Variants in EPS8L1 observed in about 807,000 individuals in gnomAD.
The protein encoded by EPS8L1 is EPS8 signaling adaptor L1.
A neutral mutation model predicts 91.7 loss-of-function variants in EPS8L1; 101 were observed. The observed-to-expected ratio is 1.10, with a 90% CI of 0.94 to 1.30. The LOEUF (loss-of-function observed/expected upper bound fraction) is 1.30. Ranked by LOEUF, EPS8L1 falls within the 50% of genes most tolerant of loss-of-function variation. EPS8L1 has a pLI of 0.00. For synonymous variants in EPS8L1, 506 were observed against 445.3 expected (o/e 1.14, Z -1.72); for missense variants, 1,114 against 1,017.0 (o/e 1.10, Z -1.30).
rs1405349800 is a variant in EPS8L1 at position 55,082,112 on chromosome 19, G to C, written c.922G>C (p.Ala308Pro). Residue 308 changes from alanine to proline, a missense_variant, in exon 10 of 20, where the codon GCC becomes CCC. By Grantham distance (27) the Ala-to-Pro change is conservative (BLOSUM62 -1). Transcript: ENST00000201647. ...CTCAGAGGGCTTGCTGACGCTGCGG[G>C]CCAAGCCGCCCTCGGAGGCCGAGTA... Reference protein sequence around the residue: ...AAGEGLLTLRAKPPSEAEYTD... With the variant: ...AAGEGLLTLRPKPPSEAEYTD... 6.3e-7 allele frequency: 1 copy of C among 1,598,566 alleles called. No homozygotes were observed. The highest frequency in any genetic ancestry group is 1.1e-5 in the South Asian group (1 of 89,032).
In EPS8L1 at chr19:55,086,121, G is replaced by T; in HGVS notation, c.1579G>T (p.Val527Leu). The T allele has an allele frequency of 6.2e-7, 1 of 1,607,298 alleles. No homozygotes were observed. Among genetic ancestry groups the T allele is most frequent in the Non-Finnish European group, 8.5e-7 (1 of 1,176,028 alleles). The part of the protein sequence containing the change: ...VRDPAGQEGY[V>L]PYNILTPYPG... ...GGACCCAGCGGGGCAGGAGGGATAT[G>T]TGCCCTACAACATCCTGACACCCTA... Residue 527 changes from valine (V) to leucine (L), a missense_variant, in exon 16 of 20, where the codon GTG (valine) becomes TTG (leucine). Val to Leu is a conservative substitution (Grantham distance 32). Coordinates refer to ENST00000201647, the MANE Select transcript of EPS8L1 (RefSeq NM_133180.3).
chr19:55,083,165 G>A lies in EPS8L1; in HGVS notation c.1215-213G>A, dbSNP rs961244394. On this transcript the variant is annotated intron_variant, in intron 12 of 19. Coordinates refer to ENST00000201647, the MANE Select transcript of EPS8L1 (RefSeq NM_133180.3). The surrounding 1 kb of genome is among the most constrained non-coding windows in gnomAD (Gnocchi z 4.7). ...CCCATCTTGGCCTCCCAAAATGCTG[G>A]GATTACAGGCGTGAGCCACCGTGCC... Among the ~76,000 whole-genome samples the A allele has an allele frequency of 6.6e-6, 1 of 152,174 alleles. No individual in the cohort carries two copies. The highest frequency in any genetic ancestry group is 1.5e-5 in the Non-Finnish European group (1 of 68,028).
In EPS8L1 at chr19:55,080,509, C is replaced by T. The variant is rs892049847; in HGVS notation, c.429+231C>T. ...GGATGAGGACATGAACAGAACATGG[C>T]CAAGAAGGATCTGGGGGAGCAGCCA... On this transcript the variant is annotated intron_variant, in intron 6 of 19. Coordinates refer to ENST00000201647, the MANE Select transcript of EPS8L1 (RefSeq NM_133180.3). 12 of 1,613,612 alleles carry T rather than the reference C, an allele frequency of 7.4e-6. 1 individual carries two copies. Among genetic ancestry groups the T allele is most frequent in the African/African-American group, 5.3e-5 (4 of 75,008 alleles).
At chr19:55,086,331 G>C in intron 16 of EPS8L1, 61 bp from the exon 17 acceptor site, 1 of 1,604,570 alleles carries the variant, frequency 6.2e-7, no homozygotes, top group Non-Finnish European at 8.5e-7. Flanking sequence ...TCCAGAAAGG[G>C]GAGAGGCTGG....
chr19:55,083,727 T>C lies in EPS8L1; in HGVS notation c.1385+83T>C. On this transcript the variant is annotated intron_variant, in intron 14 of 19. Coordinates refer to ENST00000201647, the MANE Select transcript of EPS8L1 (RefSeq NM_133180.3). This position sits in a 1 kb window ranked among gnomAD's most constrained non-coding sequence, Gnocchi z 4.7. Reference sequence around the variant, plus strand: ...TCCCGATGCTGACTCCGCCCCCTTTTTTTCTGTGTTTTTCCTTCTGTCTTC... The same window carrying C: ...TCCCGATGCTGACTCCGCCCCCTTTCTTTCTGTGTTTTTCCTTCTGTCTTC... 6.5e-7 allele frequency: 1 copy of C among 1,534,174 alleles called. No individual in the cohort carries two copies. Among genetic ancestry groups the C allele is most frequent in the Non-Finnish European group, 8.8e-7 (1 of 1,131,516 alleles).
At chr19:55,080,581 G>T in intron 6 of EPS8L1, 191 bp from the exon 7 acceptor site, 2 of 1,605,522 alleles carry the variant, frequency 1.2e-6, no homozygotes, top group Non-Finnish European at 8.5e-7. Flanking sequence ...CTCCATGGGC[G>T]GGGTCGTGGC....
chr19:55,087,808 T>A lies in EPS8L1; in HGVS notation c.*194T>A. ...GGAGAGGATCTGGACTGGCTGGGAG[T>A]GGGGAGGGCGTGGAGACAGTCTACG... is the stretch of plus-strand genomic sequence containing the variant. On this transcript the variant is annotated 3_prime_UTR_variant, in exon 20 of 20. Coordinates refer to ENST00000201647, the MANE Select transcript of EPS8L1 (RefSeq NM_133180.3). 1.6e-6 allele frequency: 1 copy of A among 618,846 alleles called. No individual in the cohort carries two copies. The allele number at this position is 618,846 out of a possible 1,614,324, so 38.3% of individuals were successfully genotyped here. A position where few individuals can be genotyped will look rare whatever the true frequency, so the allele number is the denominator to read the frequency against.
rs111331426 is a variant in EPS8L1 at position 55,076,331 on chromosome 19, C to T, written c.-37-77C>T. On this transcript the variant is annotated intron_variant, in intron 1 of 19. Transcript: ENST00000201647. ...GGAGGAGGGGCTGGGGCCTGGATGC[C>T]TGCATTGAGGGAGGAGGCTGGGGTA... 40 of 1,345,196 alleles carry T rather than the reference C, an allele frequency of 3.0e-5. No homozygotes were observed. The African/African-American group carries it at 4.6e-4, about 16-fold the overall frequency. The allele number at this position is 1,345,196 out of a possible 1,614,324, so 83.3% of individuals were successfully genotyped here.
chr19:55,080,620 G>A (rs1467419721), intron 6 of EPS8L1, 152 bp from the exon 7 acceptor site: 1 of 1,572,084 alleles, frequency 6.4e-7, no homozygotes. Context: ...TAGGGCGAGG[G>A]GTGAGTTCGG....
At chr19:55,078,936 T>C in intron 3 of EPS8L1, 63 bp from the exon 4 acceptor site, 1 of 1,566,398 alleles carries the variant, frequency 6.4e-7, no homozygotes, top group Non-Finnish European at 8.8e-7. Context: ...CCTGGACTCC[T>C]GGGTCTGATG....
In EPS8L1 at chr19:55,079,462, G is replaced by T. The variant is rs554936141; in HGVS notation, c.118-228G>T. 1.2e-5 allele frequency: 7 copies of T among 604,392 alleles called. No individual in the cohort carries two copies. In the East Asian group the frequency reaches 2.0e-4, roughly 17 times the overall value. The allele number at this position is 604,392 out of a possible 1,614,324, so 37.4% of individuals were successfully genotyped here. A position where few individuals can be genotyped will look rare whatever the true frequency, so the allele number is the denominator to read the frequency against. On this transcript the variant is annotated intron_variant, in intron 4 of 19. Transcript: ENST00000201647. ...TATAATCCAGACTCCTTCCCTGCCC[G>T]CAAGGAGCCTCCAGTCTGTGAGAAG...
At position 55,083,674 on chromosome 19, in the gene EPS8L1, G is replaced by C; in HGVS notation, c.1385+30G>C. On this transcript the variant is annotated intron_variant, in intron 14 of 19. Transcript: ENST00000201647. The surrounding 1 kb of genome is among the most constrained non-coding windows in gnomAD (Gnocchi z 4.7). ...GTGTCCGCCCCAGGGCAGGGCAAGGGGGTCAAGGAGGGGTGCGTCCCGGGG... is the reference window on the plus strand; with the variant it reads ...GTGTCCGCCCCAGGGCAGGGCAAGGCGGTCAAGGAGGGGTGCGTCCCGGGG... 1 of 1,583,022 alleles carries C rather than the reference G, an allele frequency of 6.3e-7. No homozygotes were observed. Among genetic ancestry groups the C allele is most frequent in the Non-Finnish European group, 8.6e-7 (1 of 1,164,870 alleles).
rs779053221 is a variant in EPS8L1 at position 55,083,431 on chromosome 19, G to T, written c.1268G>T (p.Gly423Val). The T allele has an allele frequency of 6.2e-7, 1 of 1,612,214 alleles. No individual in the cohort carries two copies. Among genetic ancestry groups the T allele is most frequent in the Non-Finnish European group, 8.5e-7 (1 of 1,179,720 alleles). Residue 423 changes from glycine (G) to valine (V), a missense_variant, in exon 13 of 20, where the codon GGC becomes GTC. Physicochemically the swap from Gly to Val is moderately radical, Grantham distance 109 (BLOSUM62 -3). Transcript: ENST00000201647. This position sits in a 1 kb window ranked among gnomAD's most constrained non-coding sequence, Gnocchi z 4.7. ...CCATACAGACCCGAGTTCTTCAGCG[G>T]CTGGGAGCCGCCGGTCACTGACCCG... ...GPPYRPEFFS[G>V]WEPPVTDPQS...
Position 55,083,717 on chromosome 19 carries a change from C to T in EPS8L1, c.1385+73C>T, listed in dbSNP as rs1490331201. Reference sequence around the variant, plus strand: ...TCCCGGGGGCTCCCGATGCTGACTCCGCCCCCTTTTTTTCTGTGTTTTTCC... The same window carrying T: ...TCCCGGGGGCTCCCGATGCTGACTCTGCCCCCTTTTTTTCTGTGTTTTTCC... On this transcript the variant is annotated intron_variant, in intron 14 of 19. Transcript: ENST00000201647. This position sits in a 1 kb window ranked among gnomAD's most constrained non-coding sequence, Gnocchi z 4.7. 4 of 1,544,944 alleles carry T rather than the reference C, an allele frequency of 2.6e-6. No homozygotes were observed. The highest frequency in any genetic ancestry group is 2.4e-5 in the South Asian group (2 of 84,476).
At chr19:55,087,123 GC>G in intron 18 of EPS8L1, 179 bp from the exon 19 acceptor site, 1 of 1,131,838 alleles carries the variant, frequency 8.8e-7, no homozygotes, top group Non-Finnish European at 1.2e-6. Flanking sequence ...GCAGGATGCG[GC>G]CACGCCCCCC....
Position 55,081,608 on chromosome 19 carries a change from A to G in EPS8L1, c.774+116A>G. ...CGTTCTCTGGTCAGACTTCTGCGTT[A>G]TGGAAGAGGGGCTGGGTCGGGGGCG... On this transcript the variant is annotated intron_variant, in intron 8 of 19. Transcript: ENST00000201647. This position sits in a 1 kb window ranked among gnomAD's most constrained non-coding sequence, Gnocchi z 4.9. The G allele has an allele frequency of 1.9e-6, 1 of 526,392 alleles. No individual in the cohort carries two copies. The highest frequency in any genetic ancestry group is 2.8e-6 in the Non-Finnish European group (1 of 351,350). The allele number at this position is 526,392 out of a possible 1,614,324, so 32.6% of individuals were successfully genotyped here. A position where few individuals can be genotyped will look rare whatever the true frequency, so the allele number is the denominator to read the frequency against.
rs1362503439 is a variant in EPS8L1 at position 55,078,072 on chromosome 19, C to T, written c.18-16C>T. The T allele has an allele frequency of 1.9e-6, 3 of 1,613,604 alleles. No individual in the cohort carries two copies. Among genetic ancestry groups the T allele is most frequent in the Non-Finnish European group, 2.5e-6 (3 of 1,179,830 alleles). ...CCCAGTCCCACAGTCTCTCTCATTC[C>T]TCTTTTCTTCACCAGCCCAGAAGCT... is the stretch of plus-strand genomic sequence containing the variant. On this transcript the variant is annotated splice_polypyrimidine_tract_variant and intron_variant, in intron 2 of 19. Coordinates refer to ENST00000201647, the MANE Select transcript of EPS8L1 (RefSeq NM_133180.3).
At position 55,081,799 on chromosome 19, in the gene EPS8L1, C is replaced by A. The variant is rs1181147819; in HGVS notation, c.801C>A (p.Asp267Glu). Residue 267 changes from aspartate (D) to glutamate (E), a missense_variant, in exon 9 of 20, where the codon GAC (aspartate) becomes GAA (glutamate). Physicochemically the swap from Asp to Glu is conservative, Grantham distance 45. Coordinates refer to ENST00000201647, the MANE Select transcript of EPS8L1 (RefSeq NM_133180.3). This position sits in a 1 kb window ranked among gnomAD's most constrained non-coding sequence, Gnocchi z 4.9. ...EVDILNHVFD[D>E]VESFVSRLQK... ...ACATCCTGAACCACGTGTTCGACGA[C>A]GTAGAGAGCTTTGTATCGAGGCTGC... 6.2e-7 allele frequency: 1 copy of A among 1,611,552 alleles called. No homozygotes were observed. The highest frequency in any genetic ancestry group is 1.3e-5 in the African/African-American group (1 of 74,964).
At chr19:55,077,738 A>G (rs1621052) in intron 2 of EPS8L1, among the ~76,000 whole-genome samples, 102,754 of 150,130 alleles carry the variant, frequency 0.68, 35,495 homozygotes, top group Non-Finnish European at 0.74. Context: ...ACAGGCGCCC[A>G]CCACCACACC....
Sources: allele counts gnomAD v4.1 joint callset (sites outside exome capture counted in the v4.1 genomes callset), GRCh38; gene constraint gnomAD v4.1.1; non-coding constraint Gnocchi (gnomAD v3.1); transcripts MANE v1.5; gene names NCBI Gene and HGNC (gene_info 2026-07-23, HGNC 2026-07-21).